Variants in TENM2 observed in about 807,000 individuals in gnomAD.
TENM2 encodes the protein teneurin transmembrane protein 2.
TENM2 carries 52 observed loss-of-function variants against 245.2 expected under a neutral mutation model. The observed-to-expected ratio is 0.21, with a 90% CI of 0.17 to 0.27. The LOEUF (loss-of-function observed/expected upper bound fraction) is 0.27, where lower values mean the gene tolerates loss of function less well. Ranked by LOEUF, TENM2 falls within the 10% of genes least tolerant of loss-of-function variation. The pLI is 1.00. For synonymous variants in TENM2, 1,363 were observed against 1,438.9 expected, an observed-to-expected ratio of 0.95 and a Z score of 1.19; for missense variants, 3,046 against 3,666.8, an observed-to-expected ratio of 0.83 and a Z score of 4.37.
chr5:167,667,384 ATC>A (rs140938138), intron 2 of TENM2, among the ~76,000 whole-genome samples: 274 of 152,286 alleles, frequency 1.8e-3, no homozygotes, highest in South Asian at 9.3e-3. Context: ...TACCTCCAGC[ATC>A]TCTCTTTTTT....
intron 2 of TENM2, among the ~76,000 whole-genome samples, chr5:167,472,336 A>AGG: frequency 6.6e-6 from 1 of 152,302 alleles, no homozygotes; most frequent in African/African-American, 2.4e-5. Context: ...CAGTGTTTTA[A>AGG]GTGTAAAGTA....
At chr5:167,760,543 C>G (rs1360777258) in intron 2 of TENM2, among the ~76,000 whole-genome samples, 1 of 152,122 alleles carries the variant, frequency 6.6e-6, no homozygotes, top group Non-Finnish European at 1.5e-5. Context: ...TGGCCTGATT[C>G]TGATCATTGG....
chr5:167,435,009 T>A (rs1460415337), intron 2 of TENM2, among the ~76,000 whole-genome samples: 4 of 152,238 alleles, frequency 2.6e-5, no homozygotes, highest in African/African-American at 9.6e-5. Flanking sequence ...ACTTATCTAG[T>A]AGTTGATGCC....
chr5:167,242,482 C>T, the TENM2 span, among the ~76,000 whole-genome samples: 16 of 152,216 alleles, frequency 1.1e-4, no homozygotes, highest in Middle Eastern at 3.4e-3. Flanking sequence ...GTTTGAACTG[C>T]ATGGGTTACT....
intron 2 of TENM2, among the ~76,000 whole-genome samples, chr5:167,735,991 T>G (rs562333245): frequency 1.3e-5 from 2 of 152,232 alleles, no homozygotes; most frequent in South Asian, 4.2e-4. Context: ...GTTACCAAAG[T>G]GTATTAGTCT....
intron 4 of TENM2, among the ~76,000 whole-genome samples, chr5:167,972,471 A>G (rs1781861758): frequency 6.6e-6 from 1 of 152,204 alleles, no homozygotes. Flanking sequence ...CTTGATGGAC[A>G]TTTAGATCGC....
chr5:167,609,550 A>C (rs1450578326), intron 2 of TENM2, among the ~76,000 whole-genome samples: 3 of 150,462 alleles, frequency 2.0e-5, no homozygotes, highest in Non-Finnish European at 4.4e-5. Context: ...AAATTAGAGA[A>C]AGAAAAGAAG....
At chr5:167,591,744 G>A (rs745342738) in intron 2 of TENM2, among the ~76,000 whole-genome samples, 2 of 152,174 alleles carry the variant, frequency 1.3e-5, no homozygotes, top group East Asian at 1.9e-4. Context: ...GAAAGGATGC[G>A]TATATAAAGC....
chr5:167,984,001 T>C (rs1783043060), intron 4 of TENM2, among the ~76,000 whole-genome samples: 1 of 152,236 alleles, frequency 6.6e-6, no homozygotes, highest in South Asian at 2.1e-4. Context: ...GACCATTCAC[T>C]GGATGTCAAT....
At chr5:167,655,732 T>C (rs1368069941) in intron 2 of TENM2, among the ~76,000 whole-genome samples, 1 of 152,222 alleles carries the variant, frequency 6.6e-6, no homozygotes, top group African/African-American at 2.4e-5. Context: ...CTAATCAAAG[T>C]ATATGATGGT....
At chr5:167,257,584 G>T in the TENM2 span, among the ~76,000 whole-genome samples, 1 of 151,136 alleles carries the variant, frequency 6.6e-6, no homozygotes, top group Admixed American at 6.6e-5. Flanking sequence ...GCGAAGCGAA[G>T]AGTCTAGGCA....
chr5:167,997,409 A>G (rs749550133), intron 5 of TENM2, among the ~76,000 whole-genome samples: 27 of 152,188 alleles, frequency 1.8e-4, no homozygotes, highest in Non-Finnish European at 2.9e-4. Context: ...TCATCTTCTA[A>G]CGCAGTGGAT....
chr5:167,853,289 C>CAA (rs777170514), intron 2 of TENM2, among the ~76,000 whole-genome samples: 278 of 24,574 alleles, frequency 0.011, 29 homozygotes, highest in South Asian at 0.022. Context: ...GACTCCGTCT[C>CAA]AAAAAAAAAA....
chr5:167,615,459 C>T (rs1777732444), intron 2 of TENM2, among the ~76,000 whole-genome samples: 5 of 152,100 alleles, frequency 3.3e-5, no homozygotes, highest in Admixed American at 3.3e-4. Context: ...CTCCTTGACT[C>T]ATTTGCCCTT....
chr5:167,463,728 T>C (rs12522574), intron 2 of TENM2, among the ~76,000 whole-genome samples: 38,673 of 151,934 alleles, frequency 0.25, 4,944 homozygotes, highest in East Asian at 0.37. Flanking sequence ...ACTCCTGGCC[T>C]CAGGCGATCT....
intron 2 of TENM2, among the ~76,000 whole-genome samples, chr5:167,467,514 G>T: frequency 5.2e-5 from 1 of 19,400 alleles, no homozygotes; most frequent in African/African-American, 1.1e-4. Context: ...ACTCTTGTTT[G>T]AGAAAAAAAA....
intron 2 of TENM2, among the ~76,000 whole-genome samples, chr5:167,405,796 A>ACACACG (rs1561929238): frequency 6.6e-6 from 1 of 151,630 alleles, no homozygotes; most frequent in African/African-American, 2.4e-5. Context: ...ACACACACAC[A>ACACACG]CACGCACACA....
intron 5 of TENM2, among the ~76,000 whole-genome samples, chr5:168,046,059 G>A (rs191734214): frequency 2.6e-5 from 4 of 152,320 alleles, no homozygotes; most frequent in Admixed American, 2.6e-4. Flanking sequence ...GGAGAAGAGT[G>A]TAAGTGAAAA....
At chr5:167,000,461 A>G in the TENM2 span, among the ~76,000 whole-genome samples, 1 of 152,184 alleles carries the variant, frequency 6.6e-6, no homozygotes, top group Admixed American at 6.5e-5. Context: ...GGGCTTTATA[A>G]TGCAAAACTG....
Sources: allele counts gnomAD v4.1 joint callset (sites outside exome capture counted in the v4.1 genomes callset), GRCh38; gene constraint gnomAD v4.1.1; transcripts MANE v1.5; gene names NCBI Gene and HGNC (gene_info 2026-07-23, HGNC 2026-07-21).